CASP8: variants seen among roughly 807,000 people sequenced by gnomAD.
CASP8 encodes caspase 8, also known as caspase-8.
In CASP8, 24 loss-of-function variants were observed where a neutral mutation model predicts 46.3. The observed-to-expected ratio is 0.52, with a 90% CI of 0.38 to 0.73. The LOEUF is 0.73. Among genes scored for constraint, CASP8 ranks in the 30% least tolerant of loss-of-function variants. CASP8 has a pLI of 0.00. For synonymous variants in CASP8, 188 were observed against 200.4 expected (o/e 0.94, Z 0.52); for missense variants, 460 against 559.0 (o/e 0.82, Z 1.79).
chr2:201,278,538 T>C (rs1439591553), intron 7 of CASP8, among the ~76,000 whole-genome samples: 1 of 152,086 alleles, frequency 6.6e-6, no homozygotes, highest in African/African-American at 2.4e-5. Context: ...ACTGTATTTT[T>C]TCTTTTTTTT....
At chr2:201,263,215 C>G (rs1947549456) in intron 1 of CASP8, among the ~76,000 whole-genome samples, 1 of 152,152 alleles carries the variant, frequency 6.6e-6, no homozygotes, top group Admixed American at 6.6e-5. Flanking sequence ...AAGGTTTATT[C>G]ATTTTGACAC....
intron 2 of CASP8, among the ~76,000 whole-genome samples, chr2:201,270,374 C>G (rs34966392): frequency 6.6e-6 from 1 of 151,998 alleles, no homozygotes; most frequent in Non-Finnish European, 1.5e-5. Context: ...AGTCTATGGA[C>G]GAGGAAAAAA....
chr2:201,281,869 T>C, intron 7 of CASP8: 1 of 1,481,992 alleles, frequency 6.7e-7, no homozygotes, highest in Non-Finnish European at 9.0e-7. Flanking sequence ...CAATAAATAT[T>C]AGAAGCCTGC....
intron 5 of CASP8, among the ~76,000 whole-genome samples, 184 bp from the exon 6 acceptor site, chr2:201,274,704 TG>T (rs1948510485): frequency 6.6e-6 from 1 of 152,250 alleles, no homozygotes; most frequent in South Asian, 2.1e-4. Context: ...CTTGAACTCC[TG>T]ACCTCAAGTG....
At chr2:201,245,642 A>C (rs1378296169) in intron 2 of CASP8, among the ~76,000 whole-genome samples, 1 of 152,138 alleles carries the variant, frequency 6.6e-6, no homozygotes, top group Non-Finnish European at 1.5e-5. Flanking sequence ...TCATAGACCC[A>C]GGGGACCACC....
In CASP8 at chr2:201,272,804, G is replaced by A. The variant is rs746700673; in HGVS notation, c.550+28G>A. 21 of 1,613,990 alleles carry A rather than the reference G, an allele frequency of 1.3e-5. No homozygotes were observed. The highest frequency in any genetic ancestry group is 8.0e-5 in the African/African-American group (6 of 74,918). On this transcript the variant is annotated intron_variant, in intron 4 of 8. Coordinates refer to ENST00000673742, the MANE Select transcript of CASP8 (RefSeq NM_001372051.1). This position sits in a 1 kb window ranked among gnomAD's most constrained non-coding sequence, Gnocchi z 4.4. ...AGAAACAACCTGACAGCCGGGAATCGGCAAAACCTACTCTAAAATTGAAAC... is the reference window on the plus strand; with the variant it reads ...AGAAACAACCTGACAGCCGGGAATCAGCAAAACCTACTCTAAAATTGAAAC...
intron 5 of CASP8, among the ~76,000 whole-genome samples, chr2:201,274,668 G>C (rs1948508520): frequency 6.6e-6 from 1 of 152,240 alleles, no homozygotes. Context: ...GTAGAGACAG[G>C]GTTTCACCAT....
chr2:201,286,678 T>C lies in CASP8; in HGVS notation c.*84T>C, dbSNP rs1469013735. The C allele has an allele frequency of 2.3e-5, 27 of 1,192,676 alleles. No homozygotes were observed. Among genetic ancestry groups the C allele is most frequent in the Non-Finnish European group, 2.7e-5 (22 of 830,004 alleles). 73.9% of individuals were successfully genotyped at this position (1,192,676 alleles called of 1,614,324 possible). ...TCGCCCAGGCTGGAGTGCAGTGGCGTGATCTCGGCTCACCGCAAGCTCCGC... is the reference window on the plus strand; with the variant it reads ...TCGCCCAGGCTGGAGTGCAGTGGCGCGATCTCGGCTCACCGCAAGCTCCGC... On this transcript the variant is annotated 3_prime_UTR_variant, in exon 9 of 9. Transcript: ENST00000673742.
rs879269799 is a variant in CASP8, at chr2:201,266,069, T to C, written c.-26-392T>C. 6.6e-6 allele frequency among the ~76,000 whole-genome samples: 1 copy of C among 150,840 alleles called. No homozygotes were observed. The highest frequency in any genetic ancestry group is 1.5e-5 in the Non-Finnish European group (1 of 67,860). ...ATCTCCGCTCACTGCAACCTCCACC[T>C]CCTGGGTTCAAGCGATTCTCCTGCC... On this transcript the variant is annotated intron_variant, in intron 1 of 8. Coordinates refer to ENST00000673742, the MANE Select transcript of CASP8 (RefSeq NM_001372051.1). This position sits in a 1 kb window ranked among gnomAD's most constrained non-coding sequence, Gnocchi z 5.7.
At chr2:201,244,058 A>G (rs969473533) in intron 2 of CASP8, among the ~76,000 whole-genome samples, 4 of 152,206 alleles carry the variant, frequency 2.6e-5, no homozygotes, top group African/African-American at 9.7e-5. Flanking sequence ...AGCGAGAAAC[A>G]TAGGCTACCC....
At chr2:201,265,893 C>T (rs1160385656) in intron 1 of CASP8, among the ~76,000 whole-genome samples, 1 of 152,194 alleles carries the variant, frequency 6.6e-6, no homozygotes, top group Non-Finnish European at 1.5e-5. Flanking sequence ...GCCCTTCTCC[C>T]AGGCTAAGTT....
intron 2 of CASP8, among the ~76,000 whole-genome samples, chr2:201,269,309 T>A (rs1463996826): frequency 3.9e-5 from 6 of 152,132 alleles, no homozygotes; most frequent in African/African-American, 1.2e-4. Flanking sequence ...ATTCTCATAT[T>A]CCAGATAGAC....
rs1272714323 is a variant in CASP8 at position 201,285,250 on chromosome 2, C to A, written c.1237C>A (p.Arg413=). ...CACTGTGAATAACTGTGTTTCCTAC[C>A]GAAACCCTGCAGAGGGAACCTGGTA... ...MATVNNCVSY[R]NPAEGTWYIQ... Residue 413 remains arginine (R), a synonymous_variant, in exon 8 of 9, where the codon CGA becomes AGA. Coordinates refer to ENST00000673742, the MANE Select transcript of CASP8 (RefSeq NM_001372051.1). 4 of 1,614,004 alleles carry A rather than the reference C, an allele frequency of 2.5e-6. No homozygotes were observed. In the African/African-American group the frequency reaches 5.3e-5, roughly 22 times the overall value.
chr2:201,274,201 C>T (rs1948476927), intron 5 of CASP8, among the ~76,000 whole-genome samples: 1 of 152,098 alleles, frequency 6.6e-6, no homozygotes, highest in African/African-American at 2.4e-5. Flanking sequence ...GCCTGCTGAG[C>T]CTAAGGCCTT....
chr2:201,237,415 A>G (rs1576178986), intron 2 of CASP8, among the ~76,000 whole-genome samples: 1 of 148,464 alleles, frequency 6.7e-6, no homozygotes, highest in Admixed American at 6.8e-5. Flanking sequence ...TTATGAAAAC[A>G]TCTCTCCAGT....
At chr2:201,280,615 T>C (rs767020664) in intron 7 of CASP8, among the ~76,000 whole-genome samples, 1 of 152,162 alleles carries the variant, frequency 6.6e-6, no homozygotes, top group Non-Finnish European at 1.5e-5. Context: ...GCTCAAAAAA[T>C]GTACTTCTCA....
intron 2 of CASP8, among the ~76,000 whole-genome samples, chr2:201,236,721 T>TC (rs1163850327): frequency 1.3e-5 from 2 of 151,876 alleles, no homozygotes; most frequent in African/African-American, 4.8e-5. Context: ...CCACTTCAGC[T>TC]CCCCATCTGC....
At chr2:201,234,872 T>C (rs1285068737) in intron 2 of CASP8, among the ~76,000 whole-genome samples, 2 of 152,244 alleles carry the variant, frequency 1.3e-5, no homozygotes, top group Non-Finnish European at 2.9e-5. Context: ...GTTAAGTTCC[T>C]ACTTATTATG....
At chr2:201,261,794 C>T (rs1210702640) in intron 1 of CASP8, among the ~76,000 whole-genome samples, 3 of 152,130 alleles carry the variant, frequency 2.0e-5, no homozygotes, top group Admixed American at 6.5e-5. Context: ...TTTCTGCTTC[C>T]GATGGCAAAT....
Sources: gnomAD v4.1 joint callset for allele counts (sites outside exome capture counted in the v4.1 genomes callset) on GRCh38, gnomAD v4.1.1 for gene constraint, Gnocchi (gnomAD v3.1) non-coding constraint, MANE v1.5 for transcripts, NCBI Gene and HGNC (gene_info 2026-07-23, HGNC 2026-07-21) for gene names.